Variants in FBXW7 observed in about 807,000 individuals in gnomAD.
FBXW7 encodes F-box and WD repeat domain containing 7.
Under a neutral mutation model 86.3 loss-of-function variants are expected in FBXW7, and 11 were observed. The observed-to-expected ratio is 0.13, with a 90% confidence interval of 0.08 to 0.21. The LOEUF (loss-of-function observed/expected upper bound fraction) is 0.21. Ranked by LOEUF, FBXW7 falls within the 10% of genes least tolerant of loss-of-function variation. The pLI, the probability that FBXW7 is intolerant of heterozygous loss-of-function variation, is 1.00. For synonymous variants in FBXW7, 313 were observed against 297.9 expected, an observed-to-expected ratio of 1.05 and a Z score of -0.52; for missense variants, 488 against 847.4, an observed-to-expected ratio of 0.58 and a Z score of 5.27.
At chr4:152,452,248 A>G (rs1007433228) in intron 2 of FBXW7, among the ~76,000 whole-genome samples, 7 of 152,238 alleles carry the variant, frequency 4.6e-5, no homozygotes, top group Admixed American at 2.0e-4. Flanking sequence ...GATAACCCAC[A>G]TAAGTCAAAG....
chr4:152,338,862 T>C (rs1458897866), intron 6 of FBXW7, among the ~76,000 whole-genome samples: 1 of 152,124 alleles, frequency 6.6e-6, no homozygotes, highest in African/African-American at 2.4e-5. Flanking sequence ...TTAAGAATTA[T>C]TGTGTCCACT....
At chr4:152,418,373 A>G (rs536055040) in intron 2 of FBXW7, among the ~76,000 whole-genome samples, 1 of 152,296 alleles carries the variant, frequency 6.6e-6, no homozygotes, top group East Asian at 1.9e-4. Context: ...TTGGATGTAA[A>G]AGGAAAATGA....
rs1200641816 is a variant in FBXW7 at position 152,535,397 on chromosome 4, G to A, written c.-483C>T. Reference sequence around the variant, plus strand: ...CCAAGGGAGAAGACCCCCGGAGGGGGCTGAGGGGAGGGGGAAGGTGAGGAA... The same window carrying A: ...CCAAGGGAGAAGACCCCCGGAGGGGACTGAGGGGAGGGGGAAGGTGAGGAA... On this transcript the variant is annotated 5_prime_UTR_variant, in exon 1 of 14. Transcript: ENST00000281708. 4 of 385,460 alleles carry A rather than the reference G, an allele frequency of 1.0e-5. No individual in the cohort carries two copies. Among genetic ancestry groups the A allele is most frequent in the East Asian group, 3.7e-5 (1 of 27,328 alleles). 23.9% of individuals were successfully genotyped at this position (385,460 alleles called of 1,614,324 possible). A position where few individuals can be genotyped will look rare whatever the true frequency, so the allele number is the denominator to read the frequency against.
intron 4 of FBXW7, among the ~76,000 whole-genome samples, chr4:152,374,830 G>C (rs1365117389): frequency 6.6e-6 from 1 of 151,744 alleles, no homozygotes. Flanking sequence ...TCATGGAAAG[G>C]ATGTAGAAAA....
chr4:152,467,236 A>C (rs1003223847), intron 2 of FBXW7, among the ~76,000 whole-genome samples: 4 of 152,118 alleles, frequency 2.6e-5, no homozygotes, highest in African/African-American at 9.7e-5. Context: ...CTGTTCTCAT[A>C]ATAGTGACTG....
chr4:152,472,402 T>C (rs1216134648), intron 2 of FBXW7, among the ~76,000 whole-genome samples: 1 of 152,102 alleles, frequency 6.6e-6, no homozygotes, highest in Non-Finnish European at 1.5e-5. Flanking sequence ...TGAATGTCCA[T>C]CAGCAGAAGG....
intron 2 of FBXW7, among the ~76,000 whole-genome samples, chr4:152,471,708 G>A (rs182431243): frequency 9.8e-4 from 149 of 151,874 alleles, no homozygotes; most frequent in African/African-American, 3.4e-3. Context: ...AGATTAGTGT[G>A]GGCAACATAG....
At chr4:152,482,577 T>C (rs1744979441) in intron 2 of FBXW7, among the ~76,000 whole-genome samples, 2 of 152,170 alleles carry the variant, frequency 1.3e-5, no homozygotes, top group Admixed American at 6.6e-5. Context: ...CATCTATTTT[T>C]CTAAGACATC....
At chr4:152,356,162 A>G (rs1442383146) in intron 4 of FBXW7, among the ~76,000 whole-genome samples, 1 of 152,076 alleles carries the variant, frequency 6.6e-6, no homozygotes, top group Admixed American at 6.6e-5. Context: ...GTTCATTGTC[A>G]TTATTTTTAT....
chr4:152,412,578 T>C (rs1298398603), intron 2 of FBXW7, 49 bp from the exon 3 acceptor site: 1 of 151,688 alleles, frequency 6.6e-6, no homozygotes, highest in Non-Finnish European at 1.5e-5. Context: ...CTGCAGTTTA[T>C]CCACGAAAGC....
chr4:152,411,045 C>G lies in FBXW7; in HGVS notation c.501+258G>C, dbSNP rs911883684. Reference sequence around the variant, plus strand: ...CCCTGCCCGGGACGCAAGGTTTAGACGAAAATTTGATGTTAATAATTTTTC... The same window carrying G: ...CCCTGCCCGGGACGCAAGGTTTAGAGGAAAATTTGATGTTAATAATTTTTC... On this transcript the variant is annotated intron_variant, in intron 4 of 13. Coordinates refer to ENST00000281708, the MANE Select transcript of FBXW7 (RefSeq NM_001349798.2). The G allele has an allele frequency of 5.5e-6, 3 of 543,600 alleles. No individual in the cohort carries two copies. The African/African-American group carries it at 5.8e-5, about 11-fold the overall frequency. 33.7% of individuals were successfully genotyped at this position (543,600 alleles called of 1,614,324 possible). A position where few individuals can be genotyped will look rare whatever the true frequency, so the allele number is the denominator to read the frequency against.
At chr4:152,406,672 AAT>A (rs1195412677) in intron 4 of FBXW7, among the ~76,000 whole-genome samples, 2 of 152,208 alleles carry the variant, frequency 1.3e-5, no homozygotes, top group African/African-American at 4.8e-5. Context: ...CTTAAATTCT[AAT>A]GAAAGGAAAG....
chr4:152,425,931 A>C (rs2126931944), intron 2 of FBXW7, among the ~76,000 whole-genome samples: 1 of 152,310 alleles, frequency 6.6e-6, no homozygotes, highest in South Asian at 2.1e-4. Context: ...ATGGACAGTC[A>C]GGGATTTTTC....
chr4:152,372,263 G>C (rs560761093), intron 4 of FBXW7, among the ~76,000 whole-genome samples: 7 of 151,924 alleles, frequency 4.6e-5, no homozygotes, highest in African/African-American at 1.7e-4. Context: ...TTAAGATAAA[G>C]CTTAGACTAC....
chr4:152,353,561 T>C (rs1732066107), intron 4 of FBXW7, among the ~76,000 whole-genome samples: 1 of 152,174 alleles, frequency 6.6e-6, no homozygotes, highest in African/African-American at 2.4e-5. Context: ...AAAAGGCTAT[T>C]TTATCCCCAA....
At chr4:152,494,306 G>A (rs902598105) in intron 2 of FBXW7, among the ~76,000 whole-genome samples, 1 of 152,148 alleles carries the variant, frequency 6.6e-6, no homozygotes, top group Non-Finnish European at 1.5e-5. Context: ...TCACTGGAAA[G>A]TAACAGGAAA....
At chr4:152,438,299 A>C (rs1368838525) in intron 2 of FBXW7, among the ~76,000 whole-genome samples, 1 of 152,318 alleles carries the variant, frequency 6.6e-6, no homozygotes, top group African/African-American at 2.4e-5. Flanking sequence ...GGGAAACAAT[A>C]AATTCTTGTG....
intron 2 of FBXW7, among the ~76,000 whole-genome samples, chr4:152,518,318 C>T (rs753485871): frequency 6.6e-6 from 1 of 151,976 alleles, no homozygotes; most frequent in Admixed American, 6.6e-5. Flanking sequence ...ATATTTGAAA[C>T]AGGGTCTTGC....
chr4:152,392,384 GTA>G (rs1216762356), intron 4 of FBXW7, among the ~76,000 whole-genome samples: 1 of 152,144 alleles, frequency 6.6e-6, no homozygotes, highest in African/African-American at 2.4e-5. Context: ...TGCTGGCTAA[GTA>G]GTACCTTCAG....
Sources: allele counts gnomAD v4.1 joint callset (sites outside exome capture counted in the v4.1 genomes callset), GRCh38; gene constraint gnomAD v4.1.1; transcripts MANE v1.5; gene names NCBI Gene and HGNC (gene_info 2026-07-23, HGNC 2026-07-21).